TOX: variants seen among roughly 807,000 people sequenced by gnomAD.
TOX encodes the protein thymocyte selection-associated high mobility group box protein TOX.
TOX carries 11 observed loss-of-function variants against 53.7 expected under a neutral mutation model. The observed-to-expected ratio is 0.20, with a 90% CI of 0.13 to 0.34. TOX has a LOEUF of 0.34. TOX is among the 10% of genes least tolerant of loss of function. The pLI, the probability that TOX is intolerant of heterozygous loss-of-function variation, is 1.00. For synonymous variants in TOX, 225 were observed against 245.3 expected, an observed-to-expected ratio of 0.92 and a Z score of 0.77; for missense variants, 570 against 664.6, an observed-to-expected ratio of 0.86 and a Z score of 1.56.
At chr8:58,968,403 T>C (rs931886223) in intron 1 of TOX, among the ~76,000 whole-genome samples, 8 of 152,222 alleles carry the variant, frequency 5.3e-5, no homozygotes, top group African/African-American at 9.6e-5. Context: ...TGTAAAACTA[T>C]ACCGTATAGT....
intron 1 of TOX, among the ~76,000 whole-genome samples, chr8:58,984,638 C>T (rs540826262): frequency 3.4e-4 from 52 of 152,144 alleles, no homozygotes; most frequent in African/African-American, 1.2e-3. Context: ...AAATAATTAG[C>T]TGGGTGTGGT....
chr8:58,951,543 T>TATATAGCTGC (rs59195245), intron 2 of TOX, among the ~76,000 whole-genome samples: 47,616 of 151,900 alleles, frequency 0.31, 7,650 homozygotes, highest in East Asian at 0.4. Context: ...GCAATTTCTG[T>TATATAGCTGC]TGACCCGGTC....
chr8:58,922,244 T>C (rs1812086383), intron 3 of TOX, among the ~76,000 whole-genome samples: 1 of 152,234 alleles, frequency 6.6e-6, no homozygotes. Flanking sequence ...TTATGAATTT[T>C]ACAGCTCCAG....
chr8:59,009,387 T>C (rs1813856863), intron 1 of TOX, among the ~76,000 whole-genome samples: 1 of 151,808 alleles, frequency 6.6e-6, no homozygotes, highest in African/African-American at 2.4e-5. Context: ...TTTCTTTCTT[T>C]TTTTTGACAG....
At chr8:58,984,177 G>A (rs1450881384) in intron 1 of TOX, among the ~76,000 whole-genome samples, 1 of 152,092 alleles carries the variant, frequency 6.6e-6, no homozygotes, top group Non-Finnish European at 1.5e-5. Flanking sequence ...GGGCTAAATC[G>A]ACATTAAAAC....
chr8:59,110,804 A>G (rs959215356), intron 1 of TOX, among the ~76,000 whole-genome samples: 2 of 151,936 alleles, frequency 1.3e-5, no homozygotes, highest in African/African-American at 4.8e-5. Flanking sequence ...CATTTTCCCA[A>G]TTCACCTTTG....
chr8:58,911,790 G>C (rs1017435232), intron 3 of TOX, among the ~76,000 whole-genome samples: 10 of 152,008 alleles, frequency 6.6e-5, no homozygotes, highest in African/African-American at 2.2e-4. Flanking sequence ...TGCAACCTCT[G>C]CCTCCTGGGT....
chr8:59,062,812 GAGAA>G (rs539221895), intron 1 of TOX, among the ~76,000 whole-genome samples: 5 of 152,232 alleles, frequency 3.3e-5, no homozygotes, highest in Non-Finnish European at 7.4e-5. Flanking sequence ...GTGTGACAGA[GAGAA>G]AGAGAGAAAG....
chr8:58,913,288 C>T (rs1006182302), intron 3 of TOX, among the ~76,000 whole-genome samples: 6 of 151,946 alleles, frequency 3.9e-5, no homozygotes, highest in Non-Finnish European at 8.8e-5. Context: ...TGCACTCCAG[C>T]CTGGGTGACA....
chr8:58,881,585 G>A (rs1421494199), intron 3 of TOX, among the ~76,000 whole-genome samples: 1 of 152,016 alleles, frequency 6.6e-6, no homozygotes, highest in African/African-American at 2.4e-5. Context: ...TTAGTGGGGT[G>A]TGGTGGCACG....
intron 1 of TOX, among the ~76,000 whole-genome samples, chr8:59,024,411 T>G (rs1223288540): frequency 1.3e-5 from 2 of 152,226 alleles, no homozygotes; most frequent in East Asian, 3.8e-4. Context: ...TACTATAATT[T>G]TCCATAAAAG....
chr8:59,094,065 C>T (rs184416149), intron 1 of TOX, among the ~76,000 whole-genome samples: 176 of 151,856 alleles, frequency 1.2e-3, no homozygotes, highest in African/African-American at 4.0e-3. Flanking sequence ...ATATGACAGA[C>T]CATGATTCTA....
intron 1 of TOX, among the ~76,000 whole-genome samples, chr8:59,076,019 A>AAGG (rs1804287241): frequency 7.0e-6 from 1 of 143,482 alleles, no homozygotes. Context: ...AAAAAAAAAA[A>AAGG]GGGGGTCAGG....
At chr8:58,895,758 G>A (rs1811633789) in intron 3 of TOX, among the ~76,000 whole-genome samples, 1 of 152,068 alleles carries the variant, frequency 6.6e-6, no homozygotes, top group Non-Finnish European at 1.5e-5. Flanking sequence ...CTTTTGTTTG[G>A]GACTGCTCTG....
intron 1 of TOX, among the ~76,000 whole-genome samples, chr8:58,994,836 C>T (rs1366581574): frequency 1.3e-5 from 2 of 152,172 alleles, no homozygotes; most frequent in African/African-American, 4.8e-5. Flanking sequence ...TGGGATGCGG[C>T]CTACTGCTCT....
chr8:59,032,666 T>G (rs1490943934), intron 1 of TOX, among the ~76,000 whole-genome samples: 1 of 152,190 alleles, frequency 6.6e-6, no homozygotes, highest in African/African-American at 2.4e-5. Flanking sequence ...CACTTAAAGC[T>G]CATGGATACC....
intron 1 of TOX, among the ~76,000 whole-genome samples, chr8:58,998,568 A>AATTTATATATAATAAATTTAT (rs1554537374): frequency 0.031 from 2,650 of 86,702 alleles, 475 homozygotes; most frequent in African/African-American, 0.035. Context: ...TTATGTAATA[A>AATTTATATATAATAAATTTAT]ATGTATATAT....
At chr8:59,007,919 T>C (rs1454831166) in intron 1 of TOX, among the ~76,000 whole-genome samples, 1 of 152,212 alleles carries the variant, frequency 6.6e-6, no homozygotes, top group Non-Finnish European at 1.5e-5. Context: ...GAGGAATAGA[T>C]TTCTTTCTTA....
rs35867322 is a variant in TOX, at chr8:58,928,630, C to CTATA, written c.411+10668_411+10671dup. On this transcript the variant is annotated intron_variant, in intron 3 of 8. Transcript: ENST00000361421. ...CCTTTTCCTGTTAACTTTTCAAGCA[C>CTATA]TATATATATATATATACACACACAT... Among the ~76,000 whole-genome samples the CTATA allele has an allele frequency of 9.3e-3, 1,389 of 150,130 alleles. 47 individuals are homozygous for CTATA. The highest frequency in any genetic ancestry group is 0.086 in the South Asian group (408 of 4,762).
Sources: allele counts gnomAD v4.1 joint callset (sites outside exome capture counted in the v4.1 genomes callset), GRCh38; gene constraint gnomAD v4.1.1; transcripts MANE v1.5; gene names NCBI Gene and HGNC (gene_info 2026-07-23, HGNC 2026-07-21).